PCOLCE: variants seen among roughly 807,000 people sequenced by gnomAD.
PCOLCE encodes procollagen C-endopeptidase enhancer 1.
In PCOLCE, 33 loss-of-function variants were observed where a neutral mutation model predicts 47.2. That is an observed-to-expected ratio of 0.70 (90% CI 0.53 to 0.93). PCOLCE has a LOEUF of 0.93. PCOLCE is among the 40% of genes least tolerant of loss of function. PCOLCE has a pLI of 0.00. For missense variants in PCOLCE, 584 were observed against 585.3 expected, an observed-to-expected ratio of 1.00 and a Z score of 0.02; for synonymous variants, 254 against 252.5, an observed-to-expected ratio of 1.01 and a Z score of -0.06.
At chr7:100,602,604 T>G (rs1318732069) in intron 1 of PCOLCE, 53 bp downstream of exon 1, 1 of 1,141,978 alleles carries the variant, frequency 8.8e-7, no homozygotes, top group African/African-American at 1.5e-5. Context: ...GACCCCCGAT[T>G]CCTTTGGGGT....
chr7:100,603,718 T>C, intron 2 of PCOLCE, 180 bp downstream of exon 2: 1 of 592,844 alleles, frequency 1.7e-6, no homozygotes, highest in Admixed American at 3.0e-5. Context: ...TCTTAACCCT[T>C]CCCTCAAATC....
chr7:100,602,576 C>A, intron 1 of PCOLCE, 25 bp downstream of exon 1: 1 of 1,449,342 alleles, frequency 6.9e-7, no homozygotes, highest in Non-Finnish European at 9.7e-7. Flanking sequence ...ATCTTCCAGA[C>A]AGCTCCAGTG....
At chr7:100,602,975 G>GGTGGTCGC in intron 1 of PCOLCE, 1 of 246,554 alleles carries the variant, frequency 4.1e-6, no homozygotes, top group Non-Finnish European at 7.7e-6. Flanking sequence ...TGTGGAGCTC[G>GGTGGTCGC]CGGAGCCTGG....
chr7:100,605,048 G>T lies in PCOLCE; in HGVS notation c.464-43G>T. On this transcript the variant is annotated intron_variant, in intron 3 of 8. Transcript: ENST00000223061. The surrounding 1 kb of genome is among the most constrained non-coding windows in gnomAD (Gnocchi z 6.1). The stretch of plus-strand genomic sequence containing the variant: ...AGAGTTCTCCTGAAGCTGACCGAGG[G>T]TCTCCACCGCCCCCCACCCCCGCTC... 1 of 1,505,870 alleles carries T rather than the reference G, an allele frequency of 6.6e-7. No homozygotes were observed. Among genetic ancestry groups the T allele is most frequent in the Non-Finnish European group, 9.2e-7 (1 of 1,089,256 alleles). 93.3% of individuals were successfully genotyped at this position (1,505,870 alleles called of 1,614,324 possible). A position where few individuals can be genotyped will look rare whatever the true frequency, so the allele number is the denominator to read the frequency against.
intron 8 of PCOLCE, 26 bp downstream of exon 8, chr7:100,607,833 A>G: frequency 1.9e-6 from 3 of 1,613,820 alleles, no homozygotes; most frequent in South Asian, 1.1e-5. Context: ...GGAAATGGGG[A>G]TGGGTCAAGC....
Position 100,604,332 on chromosome 7 carries a change from C to T in PCOLCE, c.463+115C>T, listed in dbSNP as rs988355163. 2 of 924,192 alleles carry T rather than the reference C, an allele frequency of 2.2e-6. No individual in the cohort carries two copies. The highest frequency in any genetic ancestry group is 2.4e-5 in the Admixed American group (1 of 40,954). 57.2% of individuals were successfully genotyped at this position (924,192 alleles called of 1,614,324 possible). On this transcript the variant is annotated intron_variant, in intron 3 of 8. Transcript: ENST00000223061. The surrounding 1 kb of genome is among the most constrained non-coding windows in gnomAD (Gnocchi z 6.4). ...CCCGCGCCCCAGTGCCTAGGGCCCC[C>T]TACCTCCCTGACCCATTTTCCTCAC... is the stretch of plus-strand genomic sequence containing the variant.
rs900987237 is a variant in PCOLCE at position 100,605,806 on chromosome 7, T to C, written c.719T>C (p.Val240Ala). The change falls in exon 5 of 9, where the codon GTC becomes GCC. Residue 240 changes from valine to alanine, a missense_variant. By Grantham distance (64) the Val-to-Ala change is moderately conservative. Transcript: ENST00000223061. The surrounding 1 kb of genome is among the most constrained non-coding windows in gnomAD (Gnocchi z 6.1). ...CTGGGGAAGTTCTGCGGCGACGCAGTCCCGGGGTGAGGGGCGGGACCTGGG... is the reference window on the plus strand; with the variant it reads ...CTGGGGAAGTTCTGCGGCGACGCAGCCCCGGGGTGAGGGGCGGGACCTGGG... ...RRLGKFCGDA[V>A]PGSISSEGNE... The C allele has an allele frequency of 1.0e-5, 16 of 1,551,902 alleles. No homozygotes were observed. Among genetic ancestry groups the C allele is most frequent in the African/African-American group, 1.4e-5 (1 of 73,092 alleles).
intron 6 of PCOLCE, 113 bp downstream of exon 6, chr7:100,606,743 C>G (rs1459542258): frequency 2.6e-6 from 2 of 766,588 alleles, no homozygotes; most frequent in Non-Finnish European, 2.1e-6. Context: ...GAGGTCCAGA[C>G]AGCAGGATCG....
chr7:100,603,567 T>C (rs1190091504), intron 2 of PCOLCE, 29 bp downstream of exon 2: 2 of 1,234,840 alleles, frequency 1.6e-6, no homozygotes, highest in Non-Finnish European at 2.3e-6. Context: ...CACTACCCCT[T>C]GTTAAAGTCT....
Position 100,604,431 on chromosome 7 carries a change from C to G in PCOLCE, c.463+214C>G. The stretch of plus-strand genomic sequence containing the variant: ...CACCCACCCATCCCTCTTCCAGGGC[C>G]CCCCCCAGGCGCGAGGCGGAAATGG... On this transcript the variant is annotated intron_variant, in intron 3 of 8. Coordinates refer to ENST00000223061, the MANE Select transcript of PCOLCE (RefSeq NM_002593.4). This position sits in a 1 kb window ranked among gnomAD's most constrained non-coding sequence, Gnocchi z 6.4. 1 of 632,490 alleles carries G rather than the reference C, an allele frequency of 1.6e-6. No individual in the cohort carries two copies. Among genetic ancestry groups the G allele is most frequent in the Non-Finnish European group, 2.8e-6 (1 of 356,232 alleles). 39.2% of individuals were successfully genotyped at this position (632,490 alleles called of 1,614,324 possible).
chr7:100,606,224 G>A (rs906080066), intron 5 of PCOLCE, 192 bp from the exon 6 acceptor site: 3 of 571,390 alleles, frequency 5.3e-6, no homozygotes, highest in Non-Finnish European at 6.2e-6. Flanking sequence ...AGCAACTTGC[G>A]GGGCTGAGGC....
rs1165793987 is a variant in PCOLCE, at chr7:100,605,156, G to C, written c.529G>C (p.Glu177Gln). 1 of 1,612,892 alleles carries C rather than the reference G, an allele frequency of 6.2e-7. No homozygotes were observed. The highest frequency in any genetic ancestry group is 1.1e-5 in the South Asian group (1 of 91,026). Reference sequence around the variant, plus strand: ...AACCCTGACCACGCCCAACTGGCCCGAGTCCGATTACCCCCCGGGCATCAG... The same window carrying C: ...AACCCTGACCACGCCCAACTGGCCCCAGTCCGATTACCCCCCGGGCATCAG... ...QGTLTTPNWP[E>Q]SDYPPGISCS... Residue 177 changes from glutamate to glutamine, a missense_variant, in exon 4 of 9, where the codon GAG becomes CAG. Coordinates refer to ENST00000223061, the MANE Select transcript of PCOLCE (RefSeq NM_002593.4). This position sits in a 1 kb window ranked among gnomAD's most constrained non-coding sequence, Gnocchi z 6.1.
intron 1 of PCOLCE, 62 bp downstream of exon 1, chr7:100,602,613 GT>G: frequency 9.3e-7 from 1 of 1,077,316 alleles, no homozygotes; most frequent in Non-Finnish European, 1.4e-6. Flanking sequence ...TTCCTTTGGG[GT>G]TATGCCTGGA....
chr7:100,607,877 T>C (rs2131290653), intron 8 of PCOLCE, 60 bp from the exon 9 acceptor site: 2 of 1,612,080 alleles, frequency 1.2e-6, no homozygotes, highest in East Asian at 2.2e-5. Context: ...GTGTGGAATC[T>C]TGAGACCTGC....
Position 100,605,501 on chromosome 7 carries a change from G to T in PCOLCE, c.589-175G>T, listed in dbSNP as rs1802697601. The T allele has an allele frequency of 2.5e-6, 2 of 796,760 alleles. No homozygotes were observed. Among genetic ancestry groups the T allele is most frequent in the Non-Finnish European group, 3.9e-6 (2 of 512,012 alleles). The allele number at this position is 796,760 out of a possible 1,614,324, so 49.4% of individuals were successfully genotyped here. A position where few individuals can be genotyped will look rare whatever the true frequency, so the allele number is the denominator to read the frequency against. Reference sequence around the variant, plus strand: ...GCCAACCACGACGACCGACACCCCTGCAGGGTCCCATGGGTGTGTGTGGTC... The same window carrying T: ...GCCAACCACGACGACCGACACCCCTTCAGGGTCCCATGGGTGTGTGTGGTC... On this transcript the variant is annotated intron_variant, in intron 4 of 8. Transcript: ENST00000223061. The surrounding 1 kb of genome is among the most constrained non-coding windows in gnomAD (Gnocchi z 6.1).
intron 6 of PCOLCE, among the ~76,000 whole-genome samples, chr7:100,607,082 T>G (rs1802728882): frequency 3.2e-5 from 3 of 94,648 alleles, no homozygotes; most frequent in African/African-American, 8.0e-5. Context: ...CAGAGTGAGA[T>G]TCTGTCTCAA....
intron 1 of PCOLCE, chr7:100,602,801 C>T: frequency 1.8e-6 from 1 of 549,190 alleles, no homozygotes; most frequent in Non-Finnish European, 3.2e-6. Flanking sequence ...CCACCCAGAT[C>T]CTTGACCCCC....
chr7:100,603,614 C>A (rs924914908), intron 2 of PCOLCE, 76 bp downstream of exon 2: 3 of 636,144 alleles, frequency 4.7e-6, no homozygotes, highest in Non-Finnish European at 8.4e-6. Flanking sequence ...GGGACCCCCC[C>A]CCCGTCCCCC....
intron 6 of PCOLCE, 115 bp from the exon 7 acceptor site, chr7:100,607,337 G>A: frequency 1.3e-6 from 1 of 781,582 alleles, no homozygotes; most frequent in Non-Finnish European, 2.2e-6. Context: ...CCTACTGGGT[G>A]CTAGGACCGG....
Sources: allele counts gnomAD v4.1 joint callset (sites outside exome capture counted in the v4.1 genomes callset), GRCh38; gene constraint gnomAD v4.1.1; non-coding constraint Gnocchi (gnomAD v3.1); transcripts MANE v1.5; gene names NCBI Gene and HGNC (gene_info 2026-07-23, HGNC 2026-07-21).